VEPH1: variants seen among roughly 807,000 people sequenced by gnomAD.
VEPH1 encodes ventricular zone-expressed PH domain-containing protein homolog 1.
Under a neutral mutation model 85.2 loss-of-function variants are expected in VEPH1, and 80 were observed. That is an observed-to-expected ratio of 0.94 (90% confidence interval 0.78 to 1.13). The LOEUF (loss-of-function observed/expected upper bound fraction) is 1.13, where lower values mean the gene tolerates loss of function less well. Among genes scored for constraint, VEPH1 ranks in the 50% most tolerant of loss-of-function variants. VEPH1 has a pLI of 0.00. For synonymous variants in VEPH1, 297 were observed against 348.0 expected (o/e 0.85, Z 1.63); for missense variants, 955 against 980.5 (o/e 0.97, Z 0.35).
rs150325056 is a variant in VEPH1 at position 157,382,165 on chromosome 3, C to T, written c.907-789G>A. Among the ~76,000 whole-genome samples the T allele has an allele frequency of 8.5e-3, 1,293 of 152,294 alleles. 9 individuals carry two copies. Among genetic ancestry groups the T allele is most frequent in the Non-Finnish European group, 0.013 (912 of 68,012 alleles). On this transcript the variant is annotated intron_variant, in intron 6 of 13. Coordinates refer to ENST00000362010, the MANE Select transcript of VEPH1 (RefSeq NM_001167912.2). ...TTCTCACTGACTTGTTAACTTTAAG[C>T]ATCTTTCAGTGTATTACAGTTTTTA...
At chr3:157,465,603 C>T (rs1362026656) in intron 3 of VEPH1, among the ~76,000 whole-genome samples, 1 of 152,180 alleles carries the variant, frequency 6.6e-6, no homozygotes, top group African/African-American at 2.4e-5. Context: ...TTGGCATAAC[C>T]AGTCCCATCT....
At chr3:157,345,305 T>G (rs1428813099) in intron 9 of VEPH1, among the ~76,000 whole-genome samples, 3 of 152,124 alleles carry the variant, frequency 2.0e-5, no homozygotes, top group Admixed American at 6.5e-5. Flanking sequence ...ATCCAGAATC[T>G]ACAAAGAACT....
intron 4 of VEPH1, among the ~76,000 whole-genome samples, chr3:157,438,071 ACC>A (rs1553786716): frequency 6.8e-6 from 1 of 146,294 alleles, no homozygotes; most frequent in African/African-American, 2.5e-5. Context: ...ACACACACAC[ACC>A]CCTATTTCTG....
rs1007408883 is a variant in VEPH1 at position 157,464,534 on chromosome 3, T to C, written c.355-4179A>G. On this transcript the variant is annotated intron_variant, in intron 3 of 13. Transcript: ENST00000362010. ...TGAATATCATCTTACAGTTTGGTGC[T>C]GAGGGAACAAATTCAGCGAAGTGCA... is the stretch of plus-strand genomic sequence containing the variant. Among the ~76,000 whole-genome samples, 5 of 152,348 alleles carry C rather than the reference T, an allele frequency of 3.3e-5. No individual in the cohort carries two copies. The East Asian group carries it at 7.7e-4, about 23-fold the overall frequency.
chr3:157,497,845 T>C (rs574330363), intron 1 of VEPH1, among the ~76,000 whole-genome samples: 1 of 152,268 alleles, frequency 6.6e-6, no homozygotes, highest in South Asian at 2.1e-4. Context: ...AACAGAAACA[T>C]CAAGTTGTTT....
rs545904140 is a variant in VEPH1 at position 157,384,063 on chromosome 3, A to C, written c.907-2687T>G. On this transcript the variant is annotated intron_variant, in intron 6 of 13. Coordinates refer to ENST00000362010, the MANE Select transcript of VEPH1 (RefSeq NM_001167912.2). The stretch of plus-strand genomic sequence containing the variant: ...CTAGAAGTCAGGAACATATCACTGA[A>C]GAAAAAGCACAAAAATTCCTGCCAC... Among the ~76,000 whole-genome samples, 82 of 152,338 alleles carry C rather than the reference A, an allele frequency of 5.4e-4. 2 individuals carry two copies. In the South Asian group the frequency reaches 0.016, roughly 30 times the overall value.
intron 9 of VEPH1, among the ~76,000 whole-genome samples, chr3:157,339,780 T>C (rs1033355199): frequency 6.6e-6 from 1 of 152,178 alleles, no homozygotes; most frequent in Non-Finnish European, 1.5e-5. Context: ...GAATTCTTCT[T>C]AGACCCCTTG....
chr3:157,305,202 C>T (rs932802956), intron 11 of VEPH1, among the ~76,000 whole-genome samples: 1 of 142,122 alleles, frequency 7.0e-6, no homozygotes, highest in African/African-American at 2.6e-5. Context: ...CTCCGCCTCC[C>T]GGGTTCACGC....
At chr3:157,296,404 G>A (rs1026563477) in intron 11 of VEPH1, among the ~76,000 whole-genome samples, 3 of 152,188 alleles carry the variant, frequency 2.0e-5, no homozygotes, top group Admixed American at 2.0e-4. Context: ...AGGAAGAAAG[G>A]TTCTGCGTGT....
chr3:157,267,342 C>T (rs1294702220), intron 12 of VEPH1, among the ~76,000 whole-genome samples: 2 of 150,166 alleles, frequency 1.3e-5, no homozygotes, highest in Non-Finnish European at 3.0e-5. Context: ...GGTGATCCAT[C>T]CACCCTGGCG....
intron 4 of VEPH1, among the ~76,000 whole-genome samples, chr3:157,429,219 A>G (rs1014423103): frequency 6.6e-6 from 1 of 152,158 alleles, no homozygotes; most frequent in African/African-American, 2.4e-5. Flanking sequence ...TTTTTTCTCA[A>G]AATCCTCACA....
At chr3:157,443,263 G>A (rs1048558173) in intron 4 of VEPH1, 4 of 317,960 alleles carry the variant, frequency 1.3e-5, no homozygotes, top group Non-Finnish European at 2.3e-5. Context: ...AAAAAGGACT[G>A]TATTGTTGAA....
At chr3:157,368,964 T>A (rs1727068674) in intron 7 of VEPH1, among the ~76,000 whole-genome samples, 1 of 151,848 alleles carries the variant, frequency 6.6e-6, no homozygotes, top group Non-Finnish European at 1.5e-5. Context: ...AACTCTGGGA[T>A]AAATCCCTGC....
intron 12 of VEPH1, among the ~76,000 whole-genome samples, chr3:157,266,116 G>A (rs2108254795): frequency 6.7e-6 from 1 of 149,664 alleles, no homozygotes; most frequent in South Asian, 2.2e-4. Context: ...CATGCTTTAT[G>A]ACACATGAAC....
intron 6 of VEPH1, 47 bp from the exon 7 acceptor site, chr3:157,381,423 C>T: frequency 4.4e-6 from 7 of 1,593,204 alleles, no homozygotes; most frequent in Non-Finnish European, 6.0e-6. Context: ...AGAAGAAAAT[C>T]ATCCAGGCAT....
At chr3:157,413,748 T>A (rs1380681977) in intron 6 of VEPH1, 133 bp downstream of exon 6, 4 of 1,387,390 alleles carry the variant, frequency 2.9e-6, no homozygotes, top group Admixed American at 5.4e-5. Context: ...GACAAATTTG[T>A]ATGTCAAAGA....
At chr3:157,491,971 C>A (rs919014533) in intron 2 of VEPH1, among the ~76,000 whole-genome samples, 3 of 152,082 alleles carry the variant, frequency 2.0e-5, no homozygotes, top group Non-Finnish European at 2.9e-5. Flanking sequence ...TAGGACTATT[C>A]CAAAGGAGGG....
chr3:157,503,082 T>A (rs1342158072), intron 1 of VEPH1, among the ~76,000 whole-genome samples, 195 bp downstream of exon 1: 3 of 152,192 alleles, frequency 2.0e-5, no homozygotes, highest in Non-Finnish European at 4.4e-5. Flanking sequence ...TTTACTCTAA[T>A]AACCGAAATG....
At chr3:157,453,901 A>G (rs1317576904) in intron 4 of VEPH1, among the ~76,000 whole-genome samples, 1 of 152,238 alleles carries the variant, frequency 6.6e-6, no homozygotes, top group African/African-American at 2.4e-5. Flanking sequence ...GATAATTTTC[A>G]TAGTGCCAGA....
Sources: allele counts gnomAD v4.1 joint callset (sites outside exome capture counted in the v4.1 genomes callset), GRCh38; gene constraint gnomAD v4.1.1; transcripts MANE v1.5; gene names NCBI Gene and HGNC (gene_info 2026-07-23, HGNC 2026-07-21).